Variants in IGFBP7 observed in about 807,000 individuals in gnomAD.
The protein encoded by IGFBP7 is insulin like growth factor binding protein 7, also known as insulin-like growth factor-binding protein 7.
In IGFBP7, 31 loss-of-function variants were observed where a neutral mutation model predicts 29.4. The ratio of observed to expected loss-of-function variants is 1.05; its 90% CI spans 0.79 to 1.42. The LOEUF is 1.42. Among genes scored for constraint, IGFBP7 ranks in the 40% most tolerant of loss-of-function variants. The pLI is 0.00. For synonymous variants in IGFBP7, 172 were observed against 174.9 expected, an observed-to-expected ratio of 0.98 and a Z score of 0.13; for missense variants, 393 against 395.5, an observed-to-expected ratio of 0.99 and a Z score of 0.05.
chr4:57,035,622 G>C (rs920792037), intron 2 of IGFBP7, among the ~76,000 whole-genome samples: 1 of 152,062 alleles, frequency 6.6e-6, no homozygotes, highest in Non-Finnish European at 1.5e-5. Flanking sequence ...CACCACGCCT[G>C]GCTAATTTTT....
At chr4:57,082,008 C>G (rs1267839145) in intron 1 of IGFBP7, among the ~76,000 whole-genome samples, 1 of 152,174 alleles carries the variant, frequency 6.6e-6, no homozygotes, top group East Asian at 1.9e-4. Context: ...AGAACCGACT[C>G]GGGGATGCTG....
intron 1 of IGFBP7, among the ~76,000 whole-genome samples, chr4:57,096,124 T>G (rs1042761563): frequency 1.3e-5 from 2 of 151,682 alleles, no homozygotes; most frequent in Non-Finnish European, 2.9e-5. Flanking sequence ...TGGGATACAT[T>G]TTTAAAATAC....
At chr4:57,040,559 A>C (rs1274370038) in intron 2 of IGFBP7, among the ~76,000 whole-genome samples, 1 of 152,218 alleles carries the variant, frequency 6.6e-6, no homozygotes, top group African/African-American at 2.4e-5. Context: ...CCACAGGTGC[A>C]CACACACCCT....
At chr4:57,038,794 C>T (rs768670512) in intron 2 of IGFBP7, among the ~76,000 whole-genome samples, 1 of 151,908 alleles carries the variant, frequency 6.6e-6, no homozygotes, top group Admixed American at 6.6e-5. Flanking sequence ...CGACCAGGCG[C>T]GGTGGCTCAC....
chr4:57,043,965 G>A (rs1165515418), intron 1 of IGFBP7, among the ~76,000 whole-genome samples: 1 of 152,184 alleles, frequency 6.6e-6, no homozygotes, highest in Non-Finnish European at 1.5e-5. Flanking sequence ...TGGCCCTCAT[G>A]CTGCTCTGTT....
At chr4:57,034,285 G>A (rs757763820) in intron 2 of IGFBP7, among the ~76,000 whole-genome samples, 5 of 151,630 alleles carry the variant, frequency 3.3e-5, no homozygotes, top group South Asian at 2.1e-4. Flanking sequence ...GTAGCTCCTC[G>A]ATACATATAC....
rs1264492128 is a variant in IGFBP7 at position 57,110,001 on chromosome 4, G to C, written c.351C>G (p.Tyr117Ter). 1.3e-6 allele frequency: 2 copies of C among 1,546,400 alleles called. No individual in the cohort carries two copies. The highest frequency in any genetic ancestry group is 1.7e-6 in the Non-Finnish European group (2 of 1,151,784). Residue 117 changes from tyrosine to a stop codon, truncating the protein, a stop_gained, in exon 1 of 5, where the codon TAC becomes TAG. Transcript: ENST00000295666. LOFTEE classifies it high-confidence loss of function. ...TGGTGCCGTCGCTGCCGCACACCGG[G>C]TAGCGGCTCTTGCACACGCACACGC... ...VSGVCVCKSR[Y>*]PVCGSDGTTY...
intron 1 of IGFBP7, among the ~76,000 whole-genome samples, chr4:57,069,954 A>C (rs190440237): frequency 2.9e-4 from 44 of 151,440 alleles, no homozygotes; most frequent in Non-Finnish European, 5.5e-4. Flanking sequence ...GGTGGTGTAC[A>C]CCTGTAATCC....
chr4:57,056,620 G>A (rs1724680703), intron 1 of IGFBP7, among the ~76,000 whole-genome samples: 1 of 152,206 alleles, frequency 6.6e-6, no homozygotes, highest in Non-Finnish European at 1.5e-5. Flanking sequence ...GTGAGAACTG[G>A]AAGGCTTTGC....
At chr4:57,093,226 C>A (rs754636932) in intron 1 of IGFBP7, among the ~76,000 whole-genome samples, 1 of 152,204 alleles carries the variant, frequency 6.6e-6, no homozygotes, top group Non-Finnish European at 1.5e-5. Context: ...CCAGGCTGGG[C>A]GCAGTGGCTC....
At chr4:57,106,007 C>T (rs543669973) in intron 1 of IGFBP7, among the ~76,000 whole-genome samples, 35 of 150,162 alleles carry the variant, frequency 2.3e-4, no homozygotes, top group Admixed American at 1.7e-3. Flanking sequence ...CCCAGGTTCA[C>T]GCCATTCTCC....
chr4:57,063,056 G>A (rs1379002786), intron 1 of IGFBP7, among the ~76,000 whole-genome samples: 1 of 152,048 alleles, frequency 6.6e-6, no homozygotes, highest in Non-Finnish European at 1.5e-5. Flanking sequence ...ACTTGCTGTG[G>A]CTCCTCAAGC....
intron 1 of IGFBP7, among the ~76,000 whole-genome samples, chr4:57,079,357 C>T (rs1043761278): frequency 1.3e-5 from 2 of 152,070 alleles, no homozygotes; most frequent in Non-Finnish European, 2.9e-5. Flanking sequence ...ACACTGCTGG[C>T]TGAGACGCAA....
chr4:57,031,420 CAAAT>C (rs946419665), intron 4 of IGFBP7, 84 bp from the exon 5 acceptor site: 7 of 954,174 alleles, frequency 7.3e-6, no homozygotes, highest in African/African-American at 1.6e-5. Context: ...TGAGTGTTTC[CAAAT>C]AAATGAAGAT....
intron 1 of IGFBP7, among the ~76,000 whole-genome samples, chr4:57,074,428 G>C (rs1047764857): frequency 3.3e-5 from 5 of 152,146 alleles, no homozygotes; most frequent in Non-Finnish European, 7.3e-5. Flanking sequence ...GCCTCTGAAG[G>C]TGTTAAAAAG....
Position 57,030,965 on chromosome 4 carries a change from G to A in IGFBP7, c.*352C>T, listed in dbSNP as rs754860997. The A allele has an allele frequency of 6.3e-7, 1 of 1,595,628 alleles. No homozygotes were observed. Among genetic ancestry groups the A allele is most frequent in the Admixed American group, 1.7e-5 (1 of 59,992 alleles). ...TCAGGAACTTATGTCTATGAGTATT[G>A]CACCGCGAATGATGAGTGTTTAGCT... On this transcript the variant is annotated 3_prime_UTR_variant, in exon 5 of 5. Transcript: ENST00000295666.
chr4:57,066,525 T>C (rs1251615498), intron 1 of IGFBP7, among the ~76,000 whole-genome samples: 1 of 152,216 alleles, frequency 6.6e-6, no homozygotes, highest in East Asian at 1.9e-4. Flanking sequence ...TTGGACTAAT[T>C]TATTATGCAG....
chr4:57,056,619 G>C (rs1300635652), intron 1 of IGFBP7, among the ~76,000 whole-genome samples: 1 of 152,192 alleles, frequency 6.6e-6, no homozygotes, highest in Non-Finnish European at 1.5e-5. Flanking sequence ...GGTGAGAACT[G>C]GAAGGCTTTG....
intron 1 of IGFBP7, among the ~76,000 whole-genome samples, chr4:57,107,666 GATGAGAAGAA>G (rs1189296142): frequency 6.6e-6 from 1 of 152,142 alleles, no homozygotes; most frequent in African/African-American, 2.4e-5. Flanking sequence ...CTCAATTTAG[GATGAGAAGAA>G]ATGGCTAATT....
Sources: allele counts gnomAD v4.1 joint callset (sites outside exome capture counted in the v4.1 genomes callset), GRCh38; gene constraint gnomAD v4.1.1; transcripts MANE v1.5; gene names NCBI Gene and HGNC (gene_info 2026-07-23, HGNC 2026-07-21).